Variants in JPH2 observed in about 807,000 individuals in gnomAD.
JPH2 encodes junctophilin-2.
Under a neutral mutation model 55.9 loss-of-function variants are expected in JPH2, and 38 were observed. The observed-to-expected ratio is 0.68, with a 90% CI of 0.52 to 0.89. The LOEUF (loss-of-function observed/expected upper bound fraction) is 0.89. Ranked by LOEUF, JPH2 falls within the 40% of genes least tolerant of loss-of-function variation. JPH2 has a pLI of 0.00. For missense variants in JPH2, 964 were observed against 1,037.6 expected (o/e 0.93, Z 0.97); for synonymous variants, 480 against 472.4 (o/e 1.02, Z -0.21).
At position 44,159,493 on chromosome 20, in the gene JPH2, C is replaced by G. The variant is rs141451977; in HGVS notation, c.1169+125G>C. The G allele has an allele frequency of 2.7e-4, 266 of 999,894 alleles. 2 individuals carry two copies. In the African/African-American group the frequency reaches 3.6e-3, roughly 14 times the overall value. The allele number at this position is 999,894 out of a possible 1,614,324, so 61.9% of individuals were successfully genotyped here. On this transcript the variant is annotated intron_variant, in intron 2 of 5. Transcript: ENST00000372980. The surrounding 1 kb of genome is among the most constrained non-coding windows in gnomAD (Gnocchi z 5.7). ...GCTCCCGAAGAGCCTCCAATTAACC[C>G]CTGAAGGTGATGGGGGTAAAAGAAG...
rs879557144 is a variant in JPH2 at position 44,186,888 on chromosome 20, G to A, written c.-183C>T. 1.9e-5 allele frequency: 12 copies of A among 637,096 alleles called. No individual in the cohort carries two copies. Among genetic ancestry groups the A allele is most frequent in the Non-Finnish European group, 3.3e-5 (12 of 368,824 alleles). The allele number at this position is 637,096 out of a possible 1,614,324, so 39.5% of individuals were successfully genotyped here. On this transcript the variant is annotated 5_prime_UTR_variant, in exon 1 of 6. Coordinates refer to ENST00000372980, the MANE Select transcript of JPH2 (RefSeq NM_020433.5). ...AGCCCCGGCGCCAAGTCAGCACCGG[G>A]TCGGCTAGTCAGTGCCATGCCCGGG...
chr20:44,120,274 G>A (rs1477907113), intron 2 of JPH2, among the ~76,000 whole-genome samples: 1 of 152,122 alleles, frequency 6.6e-6, no homozygotes, highest in Non-Finnish European at 1.5e-5. Flanking sequence ...TGATTGCATG[G>A]AGCAAAGCCC....
In JPH2 at chr20:44,116,098, G is replaced by A. The variant is rs756327822; in HGVS notation, c.1577C>T (p.Pro526Leu). 1.9e-5 allele frequency: 29 copies of A among 1,498,260 alleles called. No homozygotes were observed. Among genetic ancestry groups the A allele is most frequent in the East Asian group, 2.6e-5 (1 of 38,780 alleles). 92.8% of individuals were successfully genotyped at this position (1,498,260 alleles called of 1,614,324 possible). A position where few individuals can be genotyped will look rare whatever the true frequency, so the allele number is the denominator to read the frequency against. ...PSGEGSRSVTPSEGAGRRSPA... is the reference protein window; with the variant it reads ...PSGEGSRSVTLSEGAGRRSPA... Reference sequence around the variant, plus strand: ...GCTGCGGCGGCCCGCGCCCTCGGACGGAGTGACTGACCGGCTGCCCTCACC... The same window carrying A: ...GCTGCGGCGGCCCGCGCCCTCGGACAGAGTGACTGACCGGCTGCCCTCACC... Residue 526 changes from proline to leucine, a missense_variant, in exon 4 of 6, where the codon CCG (proline) becomes CTG (leucine). Transcript: ENST00000372980.
At chr20:44,177,932 C>T (rs1451387256) in intron 1 of JPH2, 1 of 1,419,650 alleles carries the variant, frequency 7.0e-7, no homozygotes, top group Non-Finnish European at 1.0e-6. Flanking sequence ...TGTCTTGTTT[C>T]ATTGTCTCGA....
chr20:44,186,549 T>C lies in JPH2; in HGVS notation c.157A>G (p.Thr53Ala), dbSNP rs749486898. 1.9e-6 allele frequency: 3 copies of C among 1,613,692 alleles called. No homozygotes were observed. The highest frequency in any genetic ancestry group is 2.2e-5 in the South Asian group (2 of 91,068). The part of the protein sequence containing the change: ...NFGFEVAGVY[T>A]WPSGNTFEGY... ...TCAAAGGTGTTTCCGCTGGGCCAGG[T>C]GTAGACACCTGCCACCTCAAAGCCA... The change falls in exon 1 of 6, where the codon ACC becomes GCC. Residue 53 changes from threonine to alanine, a missense_variant. By Grantham distance (58) the Thr-to-Ala change is moderately conservative. Transcript: ENST00000372980.
intron 2 of JPH2, among the ~76,000 whole-genome samples, chr20:44,154,877 C>A (rs1021717739): frequency 6.6e-6 from 1 of 152,186 alleles, no homozygotes; most frequent in East Asian, 1.9e-4. Context: ...TCTCCATGGG[C>A]ACGCAGGACT....
chr20:44,134,317 A>ATATTTAT lies in JPH2; in HGVS notation c.1170-15695_1170-15694insATAAATA, dbSNP rs1491479522. Among the ~76,000 whole-genome samples the ATATTTAT allele has an allele frequency of 7.2e-4, 3 of 4,164 alleles. 1 individual carries two copies. Among genetic ancestry groups the ATATTTAT allele is most frequent in the African/African-American group, 2.7e-3 (3 of 1,124 alleles). The allele number at this position is 4,164 out of a possible 152,430, so 2.7% of individuals were successfully genotyped here. A position where few individuals can be genotyped will look rare whatever the true frequency, so the allele number is the denominator to read the frequency against. On this transcript the variant is annotated intron_variant, in intron 2 of 5. Transcript: ENST00000372980. The stretch of plus-strand genomic sequence containing the variant: ...TATAAATATAATAAATATTTATTAT[A>ATATTTAT]AATATATAATAAATATATAATAAAT...
intron 4 of JPH2, among the ~76,000 whole-genome samples, chr20:44,115,132 G>T (rs1453348109): frequency 6.6e-6 from 1 of 152,090 alleles, no homozygotes; most frequent in Non-Finnish European, 1.5e-5. Context: ...TGTGAATCAG[G>T]CCTGGAACCC....
chr20:44,158,521 CTGAG>C (rs1410528959), intron 2 of JPH2, among the ~76,000 whole-genome samples: 1 of 152,220 alleles, frequency 6.6e-6, no homozygotes, highest in Non-Finnish European at 1.5e-5. Flanking sequence ...GTTAAAGGGA[CTGAG>C]TGAGTCCATA....
chr20:44,160,267 T>G lies in JPH2; in HGVS notation c.520A>C (p.Thr174Pro). The change falls in exon 2 of 6, where the codon ACG becomes CCG. Residue 174 changes from threonine to proline, a missense_variant. Transcript: ENST00000372980. This position sits in a 1 kb window ranked among gnomAD's most constrained non-coding sequence, Gnocchi z 4.9. The part of the protein sequence containing the change: ...SSLRSEHSNG[T>P]VAPDSPASPA... The stretch of plus-strand genomic sequence containing the variant: ...GAGGCGGGAGAGTCCGGGGCCACCG[T>G]GCCGTTGCTGTGCTCGCTGCGCAGG... The G allele has an allele frequency of 6.5e-7, 1 of 1,532,214 alleles. No individual in the cohort carries two copies. The highest frequency in any genetic ancestry group is 8.8e-7 in the Non-Finnish European group (1 of 1,142,736). 94.9% of individuals were successfully genotyped at this position (1,532,214 alleles called of 1,614,324 possible).
chr20:44,138,156 C>T (rs1209402243), intron 2 of JPH2, among the ~76,000 whole-genome samples: 1 of 151,312 alleles, frequency 6.6e-6, no homozygotes, highest in African/African-American at 2.4e-5. Flanking sequence ...TACAGGTGCC[C>T]GCCACCACGC....
intron 2 of JPH2, among the ~76,000 whole-genome samples, chr20:44,119,265 T>C (rs1282865238): frequency 1.3e-5 from 2 of 152,266 alleles, no homozygotes; most frequent in African/African-American, 4.8e-5. Context: ...ATTTCAAGGA[T>C]ATCTAATTAC....
chr20:44,159,585 G>A lies in JPH2; in HGVS notation c.1169+33C>T, dbSNP rs2072588956. The A allele has an allele frequency of 2.5e-6, 4 of 1,581,714 alleles. No homozygotes were observed. In the African/African-American group the frequency reaches 4.0e-5, roughly 16 times the overall value. On this transcript the variant is annotated intron_variant, in intron 2 of 5. Transcript: ENST00000372980. This position sits in a 1 kb window ranked among gnomAD's most constrained non-coding sequence, Gnocchi z 5.7. ...CCCAGGACCCCCTTCTCCGAGGGGA[G>A]GCGACCCCTTCCCACCCCCACCGCT...
At chr20:44,150,199 T>TA (rs11482091) in intron 2 of JPH2, among the ~76,000 whole-genome samples, 30,266 of 151,670 alleles carry the variant, frequency 0.2, 3,268 homozygotes, top group South Asian at 0.41. Context: ...TGTCATGTCA[T>TA]AAAAAAAATG....
Position 44,112,239 on chromosome 20 carries a change from T to C in JPH2, c.*1279A>G, listed in dbSNP as rs1204313027. ...AGCAGCAGTTCCCTCTGGCTCAGCT[T>C]GGATGCCACGTCCTTCCCCAGGCTT... On this transcript the variant is annotated 3_prime_UTR_variant, in exon 6 of 6. Transcript: ENST00000372980. 3 of 152,280 alleles carry C rather than the reference T, an allele frequency of 2.0e-5. No homozygotes were observed. The highest frequency in any genetic ancestry group is 7.2e-5 in the African/African-American group (3 of 41,456). 9.4% of individuals were successfully genotyped at this position (152,280 alleles called of 1,614,324 possible).
At chr20:44,180,553 G>A (rs148747921) in intron 1 of JPH2, among the ~76,000 whole-genome samples, 183 of 152,234 alleles carry the variant, frequency 1.2e-3, no homozygotes, top group Non-Finnish European at 1.7e-3. Context: ...GCCCAGGCTG[G>A]TCTTGAACTC....
At chr20:44,179,518 C>T (rs554603450) in intron 1 of JPH2, among the ~76,000 whole-genome samples, 21 of 152,224 alleles carry the variant, frequency 1.4e-4, no homozygotes, top group African/African-American at 5.1e-4. Flanking sequence ...AACTAGTAGC[C>T]AGGCACAGTT....
At chr20:44,181,946 G>A (rs1304049940) in intron 1 of JPH2, among the ~76,000 whole-genome samples, 2 of 152,322 alleles carry the variant, frequency 1.3e-5, no homozygotes, top group East Asian at 3.9e-4. Context: ...CAGGTGTAGC[G>A]CGGGGCTAGC....
chr20:44,134,020 ATATATATAAATATATATT>A lies in JPH2; in HGVS notation c.1170-15415_1170-15398del, dbSNP rs1161897030. 3.0e-4 allele frequency among the ~76,000 whole-genome samples: 6 copies of A among 19,798 alleles called. 2 individuals carry two copies. The highest frequency in any genetic ancestry group is 4.5e-4 in the African/African-American group (2 of 4,446). The allele number at this position is 19,798 out of a possible 152,430, so 13.0% of individuals were successfully genotyped here. A position where few individuals can be genotyped will look rare whatever the true frequency, so the allele number is the denominator to read the frequency against. On this transcript the variant is annotated intron_variant, in intron 2 of 5. Transcript: ENST00000372980. ...ATATATATAAATATATATATTATAA[ATATATATAAATATATATT>A]TATATATAAATATATATTTATTATA...
Sources: allele counts gnomAD v4.1 joint callset (sites outside exome capture counted in the v4.1 genomes callset), GRCh38; gene constraint gnomAD v4.1.1; non-coding constraint Gnocchi (gnomAD v3.1); transcripts MANE v1.5; gene names NCBI Gene and HGNC (gene_info 2026-07-23, HGNC 2026-07-21).